Variants in GPBP1 observed in about 807,000 individuals in gnomAD.
GPBP1 encodes GC-rich promoter binding protein 1.
A neutral mutation model predicts 56.5 loss-of-function variants in GPBP1; 13 were observed. The ratio of observed to expected loss-of-function variants is 0.23; its 90% CI spans 0.15 to 0.37. GPBP1 has a LOEUF of 0.37. GPBP1 is among the 10% of genes least tolerant of loss of function. The pLI is 1.00. For missense variants in GPBP1, 477 were observed against 572.3 expected, an observed-to-expected ratio of 0.83 and a Z score of 1.70; for synonymous variants, 204 against 188.9, an observed-to-expected ratio of 1.08 and a Z score of -0.66.
Position 57,175,883 on chromosome 5 carries a change from G to GC in GPBP1, c.-574dup, listed in dbSNP as rs1247575332. On this transcript the variant is annotated 5_prime_UTR_variant, in exon 2 of 12. Coordinates refer to ENST00000506184, the MANE Select transcript of GPBP1 (RefSeq NM_022913.4). ...AAAGTTTTAGGAATTTTTGACTTCA[G>GC]CTCTTTCATGTCACAATGGGACACT... The GC allele has an allele frequency of 2.5e-6, 1 of 397,914 alleles. No homozygotes were observed. The highest frequency in any genetic ancestry group is 2.1e-5 in the African/African-American group (1 of 48,596). The allele number at this position is 397,914 out of a possible 1,614,324, so 24.6% of individuals were successfully genotyped here.
intron 2 of GPBP1, among the ~76,000 whole-genome samples, chr5:57,199,216 C>T (rs1246086628): frequency 3.9e-5 from 6 of 152,168 alleles, no homozygotes; most frequent in Middle Eastern, 3.4e-3. Flanking sequence ...GTAAAACTAG[C>T]GATATTCTTG....
At chr5:57,185,517 CT>C (rs947005617) in intron 2 of GPBP1, among the ~76,000 whole-genome samples, 13 of 152,140 alleles carry the variant, frequency 8.5e-5, no homozygotes, top group African/African-American at 3.1e-4. Flanking sequence ...GATCCACCCC[CT>C]TCAGCCTCCT....
chr5:57,207,444 G>T (rs928803954), intron 2 of GPBP1, among the ~76,000 whole-genome samples: 2 of 152,100 alleles, frequency 1.3e-5, no homozygotes, highest in Non-Finnish European at 2.9e-5. Context: ...TCTAGGGAGA[G>T]CATGCAGACA....
At position 57,176,314 on chromosome 5, in the gene GPBP1, C is replaced by T. The variant is rs1383329606; in HGVS notation, c.-144C>T. ...TCTTCAAAGAACTTCGATATTATTT[C>T]AGAGGATACAAAATAAAAATACAAA... On this transcript the variant is annotated 5_prime_UTR_variant, in exon 2 of 12. Transcript: ENST00000506184. The T allele has an allele frequency of 7.0e-6, 2 of 286,080 alleles. No homozygotes were observed. Among genetic ancestry groups the T allele is most frequent in the Non-Finnish European group, 1.3e-5 (2 of 156,714 alleles). The allele number at this position is 286,080 out of a possible 1,614,324, so 17.7% of individuals were successfully genotyped here. A position where few individuals can be genotyped will look rare whatever the true frequency, so the allele number is the denominator to read the frequency against.
chr5:57,257,195 T>C (rs951048201), intron 10 of GPBP1, among the ~76,000 whole-genome samples: 1 of 152,110 alleles, frequency 6.6e-6, no homozygotes, highest in Non-Finnish European at 1.5e-5. Context: ...CCACAACACC[T>C]GGCTAATTTT....
chr5:57,217,340 AGGCGGGCGG>A lies in GPBP1; in HGVS notation c.63+3148_63+3156del, dbSNP rs955848080. On this transcript the variant is annotated intron_variant, in intron 3 of 11. Coordinates refer to ENST00000506184, the MANE Select transcript of GPBP1 (RefSeq NM_022913.4). ...ATAATCCCAGCACTTTGGGAGGCCG[AGGCGGGCGG>A]ATCACCTGAGGTCAGGAGTTTGAGA... Among the ~76,000 whole-genome samples the A allele has an allele frequency of 5.2e-4, 79 of 152,260 alleles. 1 individual carries two copies. Among genetic ancestry groups the A allele is most frequent in the African/African-American group, 1.9e-3 (79 of 41,544 alleles).
intron 2 of GPBP1, among the ~76,000 whole-genome samples, chr5:57,205,173 T>C (rs182813006): frequency 5.9e-5 from 9 of 152,348 alleles, no homozygotes; most frequent in Admixed American, 3.3e-4. Flanking sequence ...TTACCTCTTA[T>C]GAATACCTCT....
chr5:57,256,390 A>G (rs1409140150), intron 10 of GPBP1, among the ~76,000 whole-genome samples: 3 of 144,488 alleles, frequency 2.1e-5, no homozygotes, highest in African/African-American at 7.3e-5. Context: ...TTTAGTATAT[A>G]TGTTTTAATT....
chr5:57,249,126 G>A (rs1741240342), intron 8 of GPBP1: 1 of 253,406 alleles, frequency 3.9e-6, no homozygotes, highest in Admixed American at 4.9e-5. Context: ...TTATAGAAAA[G>A]TTTAAACAAT....
At chr5:57,202,329 C>G (rs1036553203) in intron 2 of GPBP1, among the ~76,000 whole-genome samples, 2 of 152,106 alleles carry the variant, frequency 1.3e-5, no homozygotes, top group Non-Finnish European at 2.9e-5. Context: ...ACTCTTGTCA[C>G]CAGGCTGGAG....
chr5:57,237,358 T>A, intron 6 of GPBP1: 1 of 586,542 alleles, frequency 1.7e-6, no homozygotes, highest in South Asian at 2.2e-5. Flanking sequence ...TAGATACTAT[T>A]GGTACTGATC....
At chr5:57,191,353 CAA>C (rs1234520451) in intron 2 of GPBP1, among the ~76,000 whole-genome samples, 1 of 152,062 alleles carries the variant, frequency 6.6e-6, no homozygotes, top group Non-Finnish European at 1.5e-5. Context: ...TTCTGCTGTC[CAA>C]AGTGCTTGAA....
intron 2 of GPBP1, among the ~76,000 whole-genome samples, 176 bp from the exon 3 acceptor site, chr5:57,213,898 C>G (rs1561343851): frequency 6.6e-6 from 1 of 152,196 alleles, no homozygotes; most frequent in Admixed American, 6.5e-5. Flanking sequence ...CCTCTTCTTT[C>G]TTGCAGTCAT....
At chr5:57,180,139 C>T (rs774047929) in intron 2 of GPBP1, among the ~76,000 whole-genome samples, 7 of 151,996 alleles carry the variant, frequency 4.6e-5, no homozygotes, top group South Asian at 2.1e-4. Flanking sequence ...TTTTCTGAGA[C>T]GGAGTTTTGC....
chr5:57,233,656 G>A (rs1333606322), intron 5 of GPBP1, among the ~76,000 whole-genome samples: 2 of 152,152 alleles, frequency 1.3e-5, no homozygotes, highest in African/African-American at 4.8e-5. Flanking sequence ...GTGGAAGTGG[G>A]TCATCATAAA....
At chr5:57,209,946 A>G (rs981050034) in intron 2 of GPBP1, among the ~76,000 whole-genome samples, 9 of 152,174 alleles carry the variant, frequency 5.9e-5, no homozygotes, top group Admixed American at 5.2e-4. Flanking sequence ...TTCCTTAGCT[A>G]TTGGTTGATT....
chr5:57,183,160 G>A (rs992400363), intron 2 of GPBP1, among the ~76,000 whole-genome samples: 5 of 152,082 alleles, frequency 3.3e-5, no homozygotes, highest in African/African-American at 1.2e-4. Context: ...GAGGTCAGGA[G>A]TTCAAGACCA....
chr5:57,198,048 G>T (rs1336289277), intron 2 of GPBP1, among the ~76,000 whole-genome samples: 2 of 151,930 alleles, frequency 1.3e-5, no homozygotes, highest in African/African-American at 4.8e-5. Flanking sequence ...TTTTGTTTCG[G>T]TGTCGTTGTT....
chr5:57,241,117 T>A (rs1299887560), intron 6 of GPBP1, among the ~76,000 whole-genome samples: 1 of 152,142 alleles, frequency 6.6e-6, no homozygotes, highest in South Asian at 2.1e-4. Flanking sequence ...AAAAATGAAT[T>A]TCTAGGTAGT....
Sources: gnomAD v4.1 joint callset for allele counts (sites outside exome capture counted in the v4.1 genomes callset) on GRCh38, gnomAD v4.1.1 for gene constraint, MANE v1.5 for transcripts, NCBI Gene and HGNC (gene_info 2026-07-23, HGNC 2026-07-21) for gene names.